Variants in AMPH observed in about 807,000 individuals in gnomAD.
AMPH encodes amphiphysin (Stiff-Mann syndrome with breast cancer 128kD autoantigen).
AMPH carries 49 observed loss-of-function variants against 99.1 expected under a neutral mutation model. That is an observed-to-expected ratio of 0.49 (90% CI 0.39 to 0.63). AMPH has a LOEUF of 0.63. Among genes scored for constraint, AMPH ranks in the 20% least tolerant of loss-of-function variants. AMPH has a pLI of 0.00. For missense variants in AMPH, 759 were observed against 863.4 expected, an observed-to-expected ratio of 0.88 and a Z score of 1.52; for synonymous variants, 314 against 317.3, an observed-to-expected ratio of 0.99 and a Z score of 0.11.
chr7:38,386,901 T>C (rs1209723958), intron 20 of AMPH, among the ~76,000 whole-genome samples: 1 of 152,174 alleles, frequency 6.6e-6, no homozygotes, highest in Non-Finnish European at 1.5e-5. Flanking sequence ...TCACTCAGTG[T>C]GATGTGGGGC....
intron 4 of AMPH, among the ~76,000 whole-genome samples, chr7:38,492,015 C>T (rs1393334936): frequency 1.3e-5 from 2 of 152,198 alleles, no homozygotes; most frequent in East Asian, 1.9e-4. Flanking sequence ...AGGCAAATAG[C>T]AGGTACTCAA....
intron 11 of AMPH, among the ~76,000 whole-genome samples, chr7:38,436,754 T>C (rs916685836): frequency 2.0e-5 from 3 of 152,194 alleles, no homozygotes. Context: ...AAATTACAGA[T>C]GACCCAATCG....
At chr7:38,457,039 C>T (rs2129006222) in intron 11 of AMPH, among the ~76,000 whole-genome samples, 1 of 152,264 alleles carries the variant, frequency 6.6e-6, no homozygotes, top group African/African-American at 2.4e-5. Flanking sequence ...TACATGTGGC[C>T]AAAATCAAAG....
At chr7:38,557,191 T>C (rs1791396981) in intron 1 of AMPH, among the ~76,000 whole-genome samples, 1 of 152,258 alleles carries the variant, frequency 6.6e-6, no homozygotes, top group Middle Eastern at 3.4e-3. Context: ...CTATATCCAC[T>C]CATTCATCCC....
At chr7:38,405,635 A>G (rs933341868) in intron 17 of AMPH, among the ~76,000 whole-genome samples, 1 of 152,190 alleles carries the variant, frequency 6.6e-6, no homozygotes, top group African/African-American at 2.4e-5. Flanking sequence ...TCAATTCAAC[A>G]AGAAGATTTA....
chr7:38,445,223 A>T (rs1466151044), intron 11 of AMPH, among the ~76,000 whole-genome samples: 5 of 151,926 alleles, frequency 3.3e-5, no homozygotes, highest in Admixed American at 6.6e-5. Flanking sequence ...TTCATTTCTA[A>T]AGAAATGAAT....
Position 38,581,999 on chromosome 7 carries a change from T to C in AMPH, c.70-46988A>G, listed in dbSNP as rs1325736976. 6.6e-5 allele frequency among the ~76,000 whole-genome samples: 10 copies of C among 152,126 alleles called. No individual in the cohort carries two copies. The East Asian group carries it at 1.7e-3, about 27-fold the overall frequency. On this transcript the variant is annotated intron_variant, in intron 1 of 20. Coordinates refer to ENST00000356264, the MANE Select transcript of AMPH (RefSeq NM_001635.4). Reference sequence around the variant, plus strand: ...TCAAGTAGGCAGCTGGATACACAGATCTCAAGTTCAGAAGAGAGGCTGAGG... The same window carrying C: ...TCAAGTAGGCAGCTGGATACACAGACCTCAAGTTCAGAAGAGAGGCTGAGG...
chr7:38,453,553 CA>C (rs1371555355), intron 11 of AMPH, among the ~76,000 whole-genome samples: 1 of 152,202 alleles, frequency 6.6e-6, no homozygotes, highest in Non-Finnish European at 1.5e-5. Context: ...CTGTAATTTT[CA>C]AAAGTGCTTT....
At chr7:38,520,405 G>A (rs1386992141) in intron 2 of AMPH, among the ~76,000 whole-genome samples, 2 of 152,190 alleles carry the variant, frequency 1.3e-5, no homozygotes, top group African/African-American at 4.8e-5. Context: ...AAACGAGTGA[G>A]GCACATAATA....
chr7:38,591,291 T>TTC (rs1554369812), intron 1 of AMPH, among the ~76,000 whole-genome samples: 1 of 35,398 alleles, frequency 2.8e-5, no homozygotes. Flanking sequence ...TTTCTTTTTC[T>TTC]TTTTTTTTTT....
At chr7:38,591,580 C>A (rs190175207) in intron 1 of AMPH, among the ~76,000 whole-genome samples, 24 of 152,304 alleles carry the variant, frequency 1.6e-4, no homozygotes, top group Non-Finnish European at 3.1e-4. Context: ...AGCCACCACG[C>A]CTGGCCCCAA....
chr7:38,427,646 C>T (rs1785831349), intron 14 of AMPH, among the ~76,000 whole-genome samples: 1 of 32,508 alleles, frequency 3.1e-5, no homozygotes, highest in African/African-American at 1.4e-4. Context: ...GTTGATGCTG[C>T]TGCTTTTTTT....
At chr7:38,631,048 C>T (rs1189884614) in intron 1 of AMPH, among the ~76,000 whole-genome samples, 4 of 152,288 alleles carry the variant, frequency 2.6e-5, no homozygotes, top group Admixed American at 6.5e-5. Flanking sequence ...TCTCCGGGGC[C>T]AGGGTCTGCG....
rs1242153329 is a variant in AMPH, at chr7:38,384,979, A to G, written c.1981-54T>C. On this transcript the variant is annotated intron_variant, in intron 20 of 20. Transcript: ENST00000356264. Reference sequence around the variant, plus strand: ...TCCAGCAAACTACTGGAAAATCCACACTGCCACAATTAATTAATAATGTGT... The same window carrying G: ...TCCAGCAAACTACTGGAAAATCCACGCTGCCACAATTAATTAATAATGTGT... 4.1e-6 allele frequency: 6 copies of G among 1,446,670 alleles called. No individual in the cohort carries two copies. In the East Asian group the frequency reaches 1.4e-4, roughly 33 times the overall value. 89.6% of individuals were successfully genotyped at this position (1,446,670 alleles called of 1,614,324 possible).
chr7:38,452,065 G>A (rs1787058426), intron 11 of AMPH, among the ~76,000 whole-genome samples: 1 of 152,152 alleles, frequency 6.6e-6, no homozygotes, highest in African/African-American at 2.4e-5. Flanking sequence ...TTCAATCCCA[G>A]GACACACTCA....
chr7:38,603,714 T>C (rs10223974), intron 1 of AMPH, among the ~76,000 whole-genome samples: 15,511 of 152,154 alleles, frequency 0.1, 1,110 homozygotes, highest in African/African-American at 0.19. Flanking sequence ...GCCAAGGGCT[T>C]GTCAGATCCA....
At chr7:38,587,914 C>CTGTGTGTGTGTGTGTG (rs200023803) in intron 1 of AMPH, among the ~76,000 whole-genome samples, 3 of 126,198 alleles carry the variant, frequency 2.4e-5, no homozygotes, top group South Asian at 2.4e-4. Context: ...TTATTAATTA[C>CTGTGTGTGTGTGTGTG]TGTGTGTGTG....
At chr7:38,499,892 C>T (rs547666070) in intron 3 of AMPH, among the ~76,000 whole-genome samples, 4 of 152,126 alleles carry the variant, frequency 2.6e-5, no homozygotes, top group Non-Finnish European at 5.9e-5. Flanking sequence ...AAGGGGAGTT[C>T]CCCTGTACAT....
At position 38,465,461 on chromosome 7, in the gene AMPH, G is replaced by C; in HGVS notation, c.749+6C>G. 6.4e-7 allele frequency: 1 copy of C among 1,567,996 alleles called. No homozygotes were observed. The highest frequency in any genetic ancestry group is 8.7e-7 in the Non-Finnish European group (1 of 1,154,276). Reference sequence around the variant, plus strand: ...ATTACAGGTGCTCCAATGAGCAGGGGCCTACCTGGGCGCTCCTTGGATGGT... The same window carrying C: ...ATTACAGGTGCTCCAATGAGCAGGGCCCTACCTGGGCGCTCCTTGGATGGT... On this transcript the variant is annotated splice_donor_region_variant and intron_variant, in intron 9 of 20. Transcript: ENST00000356264.
Sources: allele counts gnomAD v4.1 joint callset (sites outside exome capture counted in the v4.1 genomes callset), GRCh38; gene constraint gnomAD v4.1.1; transcripts MANE v1.5; gene names NCBI Gene and HGNC (gene_info 2026-07-23, HGNC 2026-07-21).